RFX7: variants seen among roughly 807,000 people sequenced by gnomAD.
RFX7 encodes the protein regulatory factor X7.
RFX7 carries 26 observed loss-of-function variants against 111.8 expected under a neutral mutation model. The ratio of observed to expected loss-of-function variants is 0.23; its 90% CI spans 0.17 to 0.32. RFX7 has a LOEUF of 0.32. RFX7 is among the 10% of genes least tolerant of loss of function. The probability of loss-of-function intolerance (pLI) is 1.00; values close to 1 mark genes in which losing one functional copy is unlikely to be tolerated. For synonymous variants in RFX7, 624 were observed against 624.4 expected (o/e 1.00, Z 0.01); for missense variants, 1,573 against 1,772.9 (o/e 0.89, Z 2.02).
intron 2 of RFX7, among the ~76,000 whole-genome samples, chr15:56,199,228 TAA>T (rs753397653): frequency 2.0e-5 from 3 of 152,204 alleles, no homozygotes; most frequent in Admixed American, 6.5e-5. Context: ...AGTATTTACT[TAA>T]GTTACCACTG....
intron 5 of RFX7, among the ~76,000 whole-genome samples, chr15:56,107,824 G>C (rs1422032165): frequency 6.6e-6 from 1 of 151,932 alleles, no homozygotes; most frequent in African/African-American, 2.4e-5. Flanking sequence ...TGATCCCACA[G>C]ATAAAACAAT....
chr15:56,203,053 A>G (rs1390414321), intron 2 of RFX7, among the ~76,000 whole-genome samples: 1 of 152,208 alleles, frequency 6.6e-6, no homozygotes, highest in Non-Finnish European at 1.5e-5. Flanking sequence ...GACTAAGCTA[A>G]TATCTTATTG....
intron 2 of RFX7, among the ~76,000 whole-genome samples, chr15:56,183,397 T>C (rs2042998482): frequency 6.6e-6 from 1 of 152,156 alleles, no homozygotes; most frequent in Non-Finnish European, 1.5e-5. Flanking sequence ...TCTAAAAGTT[T>C]TGAAGTTAGC....
At chr15:56,177,545 T>C (rs1177125214) in intron 3 of RFX7, among the ~76,000 whole-genome samples, 1 of 152,188 alleles carries the variant, frequency 6.6e-6, no homozygotes, top group Admixed American at 6.5e-5. Flanking sequence ...TAGACTAAAA[T>C]GTAAACATTT....
intron 2 of RFX7, among the ~76,000 whole-genome samples, chr15:56,215,230 A>G (rs2141203865): frequency 6.6e-6 from 1 of 152,314 alleles, no homozygotes; most frequent in Non-Finnish European, 1.5e-5. Context: ...TAGCTGTATC[A>G]TGTTTTTAAA....
Position 56,243,824 on chromosome 15 carries a change from G to A in RFX7, c.-382C>T, listed in dbSNP as rs1428889647. ...GCCGCCGCTCGCTCCCGGCCCCGCC[G>A]CCGCCGCGGCCGCCGCTGCCCTGCC... is the stretch of plus-strand genomic sequence containing the variant. On this transcript the variant is annotated 5_prime_UTR_variant, in exon 1 of 10. Coordinates refer to ENST00000559447, the MANE Select transcript of RFX7 (RefSeq NM_022841.7). Among the ~76,000 whole-genome samples, 23 of 147,034 alleles carry A rather than the reference G, an allele frequency of 1.6e-4. No homozygotes were observed. The highest frequency in any genetic ancestry group is 1.5e-3 in the Admixed American group (22 of 14,820).
chr15:56,210,332 C>T (rs1463805311), intron 2 of RFX7, among the ~76,000 whole-genome samples: 1 of 151,946 alleles, frequency 6.6e-6, no homozygotes, highest in Non-Finnish European at 1.5e-5. Flanking sequence ...CAGAGAACTG[C>T]AAGGAGAAAC....
chr15:56,143,177 G>A (rs8025379), intron 4 of RFX7, among the ~76,000 whole-genome samples: 148,068 of 152,210 alleles, frequency 0.97, 72,150 homozygotes, highest in East Asian at 1. Context: ...CTTTAAGTGG[G>A]TATCTGCTCA....
chr15:56,139,599 G>A (rs1207170978), intron 5 of RFX7, among the ~76,000 whole-genome samples: 4 of 152,210 alleles, frequency 2.6e-5, no homozygotes, highest in Non-Finnish European at 4.4e-5. Context: ...ATCGTCTGAA[G>A]CCTTCTTCTC....
At chr15:56,110,039 G>A (rs2041893738) in intron 5 of RFX7, among the ~76,000 whole-genome samples, 1 of 132,278 alleles carries the variant, frequency 7.6e-6, no homozygotes, top group Non-Finnish European at 1.7e-5. Flanking sequence ...CGCCCCTACT[G>A]GAAAATGAGG....
At chr15:56,157,419 G>C (rs12905899) in intron 3 of RFX7, among the ~76,000 whole-genome samples, 46,877 of 152,004 alleles carry the variant, frequency 0.31, 8,189 homozygotes, top group East Asian at 0.4. Context: ...ACTAAAAATT[G>C]TCCCAGTATC....
intron 8 of RFX7, among the ~76,000 whole-genome samples, chr15:56,101,137 A>T (rs571316389): frequency 2.3e-4 from 35 of 152,342 alleles, no homozygotes; most frequent in African/African-American, 7.9e-4. Flanking sequence ...TTCATATGCC[A>T]GCAAAGCAAT....
At chr15:56,236,131 G>C (rs979517672) in intron 2 of RFX7, among the ~76,000 whole-genome samples, 6 of 152,134 alleles carry the variant, frequency 3.9e-5, no homozygotes, top group Non-Finnish European at 7.4e-5. Context: ...GGTAATAGAT[G>C]CCTGATAGAG....
intron 5 of RFX7, among the ~76,000 whole-genome samples, chr15:56,139,720 T>G (rs1194103038): frequency 6.6e-6 from 1 of 152,142 alleles, no homozygotes; most frequent in Non-Finnish European, 1.5e-5. Flanking sequence ...AGTTTTTCTG[T>G]TCTGTTTTTT....
At chr15:56,150,717 T>C (rs2042557698) in intron 3 of RFX7, among the ~76,000 whole-genome samples, 1 of 152,224 alleles carries the variant, frequency 6.6e-6, no homozygotes, top group African/African-American at 2.4e-5. Flanking sequence ...CAGAATGAGT[T>C]TGAAGAACTG....
chr15:56,113,596 A>G (rs1426855055), intron 5 of RFX7, among the ~76,000 whole-genome samples: 3 of 152,074 alleles, frequency 2.0e-5, no homozygotes, highest in Non-Finnish European at 4.4e-5. Flanking sequence ...GCAAACCACC[A>G]TGGCACATGT....
At chr15:56,164,803 G>C (rs549210873) in intron 3 of RFX7, among the ~76,000 whole-genome samples, 2 of 152,148 alleles carry the variant, frequency 1.3e-5, no homozygotes, top group African/African-American at 4.8e-5. Flanking sequence ...AATAGGCTTT[G>C]CTGTTCACTA....
chr15:56,107,296 C>CAAAAAAAAA (rs56077181), intron 5 of RFX7, among the ~76,000 whole-genome samples: 3 of 32,116 alleles, frequency 9.3e-5, no homozygotes, highest in Non-Finnish European at 1.7e-4. Flanking sequence ...GACTCCGTCT[C>CAAAAAAAAA]AAAAAAAAAA....
At chr15:56,206,149 C>T (rs2043248807) in intron 2 of RFX7, among the ~76,000 whole-genome samples, 1 of 151,924 alleles carries the variant, frequency 6.6e-6, no homozygotes, top group Non-Finnish European at 1.5e-5. Flanking sequence ...TTGAGAGCAG[C>T]ACTATTCACA....
Sources: allele counts gnomAD v4.1 joint callset (sites outside exome capture counted in the v4.1 genomes callset), GRCh38; gene constraint gnomAD v4.1.1; transcripts MANE v1.5; gene names NCBI Gene and HGNC (gene_info 2026-07-23, HGNC 2026-07-21).